Variants in FRMD4A observed in about 807,000 individuals in gnomAD.
FRMD4A encodes FERM domain-containing protein 4A.
Under a neutral mutation model 129.1 loss-of-function variants are expected in FRMD4A, and 29 were observed. The ratio of observed to expected loss-of-function variants is 0.22; its 90% CI spans 0.17 to 0.31. FRMD4A has a LOEUF of 0.31. FRMD4A is among the 10% of genes least tolerant of loss of function. The probability of loss-of-function intolerance (pLI) is 1.00; values close to 1 mark genes in which losing one functional copy is unlikely to be tolerated. For synonymous variants in FRMD4A, 634 were observed against 571.6 expected (o/e 1.11, Z -1.56); for missense variants, 1,272 against 1,375.8 (o/e 0.92, Z 1.19).
intron 2 of FRMD4A, among the ~76,000 whole-genome samples, chr10:14,013,430 C>T (rs1368071559): frequency 6.6e-6 from 1 of 152,080 alleles, no homozygotes; most frequent in South Asian, 2.1e-4. Context: ...GACCTCACCT[C>T]CAGGCTGTAG....
intron 2 of FRMD4A, among the ~76,000 whole-genome samples, chr10:13,865,408 GTTTTA>G (rs56008576): frequency 0.077 from 9,821 of 127,034 alleles, 433 homozygotes; most frequent in African/African-American, 0.13. Context: ...TATTTTATTT[GTTTTA>G]TTTTATTTTA....
chr10:13,750,765 G>C (rs1339480185), intron 8 of FRMD4A, among the ~76,000 whole-genome samples: 1 of 152,180 alleles, frequency 6.6e-6, no homozygotes, highest in Non-Finnish European at 1.5e-5. Flanking sequence ...TTTGATCCAG[G>C]AGGCAGACAG....
At chr10:13,842,333 T>A (rs2093979906) in intron 3 of FRMD4A, among the ~76,000 whole-genome samples, 1 of 152,206 alleles carries the variant, frequency 6.6e-6, no homozygotes, top group Non-Finnish European at 1.5e-5. Flanking sequence ...AGGAAACAGA[T>A]CATGAACTTT....
chr10:14,078,089 T>C (rs1223040153), intron 2 of FRMD4A, among the ~76,000 whole-genome samples: 1 of 152,222 alleles, frequency 6.6e-6, no homozygotes. Flanking sequence ...TGTTATTAGA[T>C]TTCTGAGGCA....
intron 2 of FRMD4A, among the ~76,000 whole-genome samples, chr10:13,927,942 A>C (rs1383087020): frequency 6.6e-6 from 1 of 152,066 alleles, no homozygotes; most frequent in Non-Finnish European, 1.5e-5. Context: ...TAGAATTTAA[A>C]ATTATAGCTC....
At chr10:13,956,769 A>G (rs2095412401) in intron 2 of FRMD4A, among the ~76,000 whole-genome samples, 1 of 152,256 alleles carries the variant, frequency 6.6e-6, no homozygotes, top group Admixed American at 6.5e-5. Flanking sequence ...AAATGAATCG[A>G]CTTGAATTTT....
intron 2 of FRMD4A, among the ~76,000 whole-genome samples, chr10:14,173,902 C>T (rs989502643): frequency 1.3e-5 from 2 of 151,878 alleles, no homozygotes; most frequent in African/African-American, 4.8e-5. Flanking sequence ...GTTGCAATCG[C>T]CAGCCTAGTT....
At chr10:13,885,554 C>T (rs752427399) in intron 2 of FRMD4A, among the ~76,000 whole-genome samples, 8 of 152,154 alleles carry the variant, frequency 5.3e-5, no homozygotes, top group Non-Finnish European at 7.3e-5. Context: ...GATCTAGATA[C>T]CCCCTTTCAT....
chr10:13,694,460 C>T (rs1348618318), intron 14 of FRMD4A, among the ~76,000 whole-genome samples: 1 of 152,160 alleles, frequency 6.6e-6, no homozygotes, highest in Non-Finnish European at 1.5e-5. Context: ...ACTCCCCTGT[C>T]CTCCCCTCTT....
At chr10:13,883,055 C>T (rs1162573657) in intron 2 of FRMD4A, among the ~76,000 whole-genome samples, 1 of 152,054 alleles carries the variant, frequency 6.6e-6, no homozygotes, top group East Asian at 1.9e-4. Context: ...CCTCTCGCCT[C>T]GGTCTCCCAA....
Position 14,088,456 on chromosome 10 carries a change from A to T in FRMD4A, c.46-229544T>A, listed in dbSNP as rs1836430346. Among the ~76,000 whole-genome samples the T allele has an allele frequency of 5.9e-5, 9 of 151,652 alleles. No homozygotes were observed. In the South Asian group the frequency reaches 1.9e-3, roughly 32 times the overall value. On this transcript the variant is annotated intron_variant, in intron 2 of 24. Transcript: ENST00000357447. Reference sequence around the variant, plus strand: ...CAAGACTCTTCCTAAAAGAAAAAAAAAAAAAAAGGAACGACGAATCAGGCC... The same window carrying T: ...CAAGACTCTTCCTAAAAGAAAAAAATAAAAAAAGGAACGACGAATCAGGCC...
chr10:13,862,364 G>A (rs1163083149), intron 2 of FRMD4A, among the ~76,000 whole-genome samples: 1 of 152,062 alleles, frequency 6.6e-6, no homozygotes, highest in Non-Finnish European at 1.5e-5. Flanking sequence ...TCATTTTCTC[G>A]AAATATTTCC....
intron 2 of FRMD4A, among the ~76,000 whole-genome samples, chr10:13,908,709 G>A (rs1457874653): frequency 6.6e-6 from 1 of 152,150 alleles, no homozygotes; most frequent in Admixed American, 6.5e-5. Flanking sequence ...TTCATTTGAT[G>A]ACCTTCTCAA....
intron 3 of FRMD4A, among the ~76,000 whole-genome samples, chr10:13,817,541 G>A (rs1588883317): frequency 1.3e-5 from 2 of 152,196 alleles, no homozygotes; most frequent in African/African-American, 4.8e-5. Context: ...TGTCAAGGGC[G>A]AGGCCAGGTG....
chr10:14,311,065 C>T (rs867904615), intron 2 of FRMD4A, among the ~76,000 whole-genome samples: 7 of 152,136 alleles, frequency 4.6e-5, no homozygotes, highest in African/African-American at 1.4e-4. Flanking sequence ...ATAGACTCTT[C>T]TGTCACCTTC....
intron 2 of FRMD4A, among the ~76,000 whole-genome samples, chr10:13,973,285 T>C (rs1205428331): frequency 6.6e-6 from 1 of 152,204 alleles, no homozygotes; most frequent in Non-Finnish European, 1.5e-5. Flanking sequence ...TTCTCTAAAT[T>C]ATGTTCTTTT....
At chr10:13,742,005 T>G (rs1220246129) in intron 9 of FRMD4A, among the ~76,000 whole-genome samples, 1 of 152,110 alleles carries the variant, frequency 6.6e-6, no homozygotes, top group East Asian at 1.9e-4. Context: ...TACAGGTGTG[T>G]GTCACCACAC....
At chr10:14,298,798 G>A (rs1214936861) in intron 2 of FRMD4A, among the ~76,000 whole-genome samples, 1 of 152,158 alleles carries the variant, frequency 6.6e-6, no homozygotes, top group African/African-American at 2.4e-5. Context: ...AAGGATGGAA[G>A]TAGCTGTTAG....
At position 14,110,127 on chromosome 10, in the gene FRMD4A, A is replaced by T. The variant is rs1297816110; in HGVS notation, c.45+219931T>A. On this transcript the variant is annotated intron_variant, in intron 2 of 24. Coordinates refer to ENST00000357447, the MANE Select transcript of FRMD4A (RefSeq NM_018027.5). ...CTGGGCAACAAAGCGAGATGCTGTA[A>T]AAAAAAAAAAAAAAAAAAAAGCTCT... Among the ~76,000 whole-genome samples, 16 of 146,988 alleles carry T rather than the reference A, an allele frequency of 1.1e-4. 1 individual carries two copies. In the South Asian group the frequency reaches 3.3e-3, roughly 30 times the overall value.
Sources: gnomAD v4.1 joint callset for allele counts (sites outside exome capture counted in the v4.1 genomes callset) on GRCh38, gnomAD v4.1.1 for gene constraint, MANE v1.5 for transcripts, NCBI Gene and HGNC (gene_info 2026-07-23, HGNC 2026-07-21) for gene names.